Variants in PRRT1B observed in about 807,000 individuals in gnomAD.
PRRT1B encodes the protein proline rich transmembrane protein 1B, also known as dispanin subfamily D member 2.
At chr9:131,555,513 TAAACGTAAAA>T (rs1428659637) in intron 2 of PRRT1B, among the ~76,000 whole-genome samples, 2 of 151,896 alleles carry the variant, frequency 1.3e-5, no homozygotes, top group Non-Finnish European at 2.9e-5. Flanking sequence ...TCATCTCTAC[TAAACGTAAAA>T]AAATTAGCCG....
rs113750958 is a variant in PRRT1B at position 131,551,724 on chromosome 9, C to A, written c.26-2833C>A. Among the ~76,000 whole-genome samples the A allele has an allele frequency of 0.1, 15,327 of 151,834 alleles. 1,094 individuals carry two copies. The highest frequency in any genetic ancestry group is 0.18 in the African/African-American group (7,291 of 41,278). On this transcript the variant is annotated intron_variant, in intron 1 of 3. Coordinates refer to ENST00000636672, the Ensembl canonical transcript of PRRT1B. This position sits in a 1 kb window ranked among gnomAD's most constrained non-coding sequence, Gnocchi z 4.4. ...TCATCCTGGCTCAAAAGCTCCCCCACTGAGCACCTTGTGACCCCCACTCCT... is the reference window on the plus strand; with the variant it reads ...TCATCCTGGCTCAAAAGCTCCCCCAATGAGCACCTTGTGACCCCCACTCCT...
intron 2 of PRRT1B, among the ~76,000 whole-genome samples, chr9:131,555,345 A>C (rs1951042273): frequency 6.6e-6 from 1 of 152,128 alleles, no homozygotes; most frequent in Non-Finnish European, 1.5e-5. Context: ...GGACCCCAGA[A>C]ACTTTGGGCA....
Position 131,554,599 on chromosome 9 carries a change from AC to A in PRRT1B, c.73del (p.Arg25GlyfsTer166), listed in dbSNP as rs1588551275. On this transcript the variant is annotated frameshift_variant, in exon 2 of 4. Transcript: ENST00000636672. LOFTEE classifies it high-confidence loss of function. Reference sequence around the variant, plus strand: ...GGCGGCAGCCCCGCCACCCCCGAGGACCCCCGGAGCCCCGCGAAGCCCGCCG... The same window carrying A: ...GGCGGCAGCCCCGCCACCCCCGAGGACCCCGGAGCCCCGCGAAGCCCGCCG... The A allele has an allele frequency of 1.8e-5, 7 of 394,898 alleles. No individual in the cohort carries two copies. In the East Asian group the frequency reaches 2.5e-4, roughly 14 times the overall value. 24.5% of individuals were successfully genotyped at this position (394,898 alleles called of 1,614,324 possible).
rs1024451754 is a variant in PRRT1B, at chr9:131,551,485, C to T, written c.26-3072C>T. Among the ~76,000 whole-genome samples the T allele has an allele frequency of 3.3e-5, 5 of 152,250 alleles. No individual in the cohort carries two copies. Among genetic ancestry groups the T allele is most frequent in the African/African-American group, 1.2e-4 (5 of 41,518 alleles). ...AATTTTCGCTGCCCCAACACTTCAA[C>T]ATTATTTTGTTTTATTTTTCTAATT... On this transcript the variant is annotated intron_variant, in intron 1 of 3. Transcript: ENST00000636672. The surrounding 1 kb of genome is among the most constrained non-coding windows in gnomAD (Gnocchi z 4.4).
rs1951012441 is a variant in PRRT1B at position 131,551,545 on chromosome 9, C to G, written c.26-3012C>G. On this transcript the variant is annotated intron_variant, in intron 1 of 3. Transcript: ENST00000636672. This position sits in a 1 kb window ranked among gnomAD's most constrained non-coding sequence, Gnocchi z 4.4. ...AGACAGGAATGTCAGGCCTCTGAGC[C>G]AAAGCTAAGCCATCATATCCCCTGT... 6.6e-6 allele frequency among the ~76,000 whole-genome samples: 1 copy of G among 152,110 alleles called. No individual in the cohort carries two copies. The highest frequency in any genetic ancestry group is 6.6e-5 in the Admixed American group (1 of 15,264).
chr9:131,547,342 C>T (rs1950983098), intron 1 of PRRT1B, among the ~76,000 whole-genome samples: 1 of 152,128 alleles, frequency 6.6e-6, no homozygotes, highest in Admixed American at 6.6e-5. Context: ...CCTGTTCCTG[C>T]CTTAACTGAT....
At chr9:131,548,981 A>G (rs1360371566) in intron 1 of PRRT1B, among the ~76,000 whole-genome samples, 1 of 152,166 alleles carries the variant, frequency 6.6e-6, no homozygotes, top group Admixed American at 6.6e-5. Flanking sequence ...CTTTTTCATC[A>G]AATATGAAAA....
chr9:131,559,640 GAAGTAAGTCATGAGC>G (rs1951072312), downstream of PRRT1B, among the ~76,000 whole-genome samples: 1 of 152,230 alleles, frequency 6.6e-6, no homozygotes, highest in African/African-American at 2.4e-5. Flanking sequence ...CAGGCATGAG[GAAGTAAGTCATGAGC>G]AGCCTGGAGA....
chr9:131,554,753 G>A (rs1202883974), exon 2 of PRRT1B: 3 of 321,830 alleles, frequency 9.3e-6, no homozygotes, highest in Non-Finnish European at 1.7e-5. Flanking sequence ...CCGCCCCGGA[G>A]GACGCCCCGG....
At chr9:131,554,713 G>C (rs1228576029) in exon 2 of PRRT1B, 3 of 356,464 alleles carry the variant, frequency 8.4e-6, no homozygotes, top group Non-Finnish European at 1.0e-5. Context: ...GGGGCGCCCA[G>C]CGAGGACGGG....
intron 3 of PRRT1B, 146 bp from the exon 4 acceptor site, chr9:131,557,907 C>G (rs925989349): frequency 1.0e-5 from 4 of 397,056 alleles, no homozygotes; most frequent in Admixed American, 8.8e-5. Context: ...TGCCCCCTTT[C>G]GAGCTGTGGG....
At chr9:131,549,498 C>T (rs1292018980) in intron 1 of PRRT1B, among the ~76,000 whole-genome samples, 1 of 152,212 alleles carries the variant, frequency 6.6e-6, no homozygotes, top group Non-Finnish European at 1.5e-5. Context: ...GCCCCTGGAA[C>T]TCTGGCCCAA....
At chr9:131,547,823 C>T (rs890407407) in intron 1 of PRRT1B, among the ~76,000 whole-genome samples, 55 of 152,202 alleles carry the variant, frequency 3.6e-4, no homozygotes, top group South Asian at 2.1e-4. Flanking sequence ...CCCTCAACCT[C>T]GTTCTCCTTT....
Position 131,551,001 on chromosome 9 carries a change from G to A in PRRT1B, c.26-3556G>A, listed in dbSNP as rs1951008290. On this transcript the variant is annotated intron_variant, in intron 1 of 3. Coordinates refer to ENST00000636672, the Ensembl canonical transcript of PRRT1B. The surrounding 1 kb of genome is among the most constrained non-coding windows in gnomAD (Gnocchi z 4.4). ...TGTGTTTCCCAGGCTGGAGTGCAGT[G>A]GCGCGATCTCGGCTCACTGCAAGCT... 7.4e-6 allele frequency among the ~76,000 whole-genome samples: 1 copy of A among 135,404 alleles called. No homozygotes were observed. The highest frequency in any genetic ancestry group is 2.7e-5 in the African/African-American group (1 of 36,466). The allele number at this position is 135,404 out of a possible 152,430, so 88.8% of individuals were successfully genotyped here. A position where few individuals can be genotyped will look rare whatever the true frequency, so the allele number is the denominator to read the frequency against.
At chr9:131,545,536 C>G in exon 1 of PRRT1B, 1 of 394,840 alleles carries the variant, frequency 2.5e-6, no homozygotes, top group Non-Finnish European at 4.5e-6. Flanking sequence ...CCTGAGCCCG[C>G]GGCGCAAGCG....
downstream of PRRT1B, among the ~76,000 whole-genome samples, chr9:131,558,909 A>G (rs113165672): frequency 1.4e-4 from 22 of 152,222 alleles, no homozygotes; most frequent in African/African-American, 4.8e-4. Flanking sequence ...GCTCCAGGGC[A>G]CCCTACCCAC....
chr9:131,546,014 G>T (rs1418276733), intron 1 of PRRT1B, among the ~76,000 whole-genome samples: 1 of 152,166 alleles, frequency 6.6e-6, no homozygotes, highest in Non-Finnish European at 1.5e-5. Flanking sequence ...GGTGGGGAGA[G>T]CCAGGAAGCT....
downstream of PRRT1B, among the ~76,000 whole-genome samples, chr9:131,559,394 T>C (rs1006300074): frequency 6.6e-5 from 10 of 152,206 alleles, no homozygotes; most frequent in South Asian, 2.1e-4. Context: ...AGTGAGCTGA[T>C]TGTGCCACTG....
chr9:131,546,498 C>G (rs778792796), intron 1 of PRRT1B, among the ~76,000 whole-genome samples: 24 of 152,146 alleles, frequency 1.6e-4, no homozygotes, highest in Non-Finnish European at 3.4e-4. Context: ...GGGACCCCTG[C>G]AGAGTCTCGC....
Sources: allele counts gnomAD v4.1 joint callset (sites outside exome capture counted in the v4.1 genomes callset), GRCh38; gene constraint gnomAD v4.1.1; non-coding constraint Gnocchi (gnomAD v3.1); transcripts MANE v1.5; gene names NCBI Gene and HGNC (gene_info 2026-07-23, HGNC 2026-07-21).